Variants in KCNB2 observed in about 807,000 individuals in gnomAD.
The protein encoded by KCNB2 is delayed rectifier potassium channel protein.
KCNB2 carries 15 observed loss-of-function variants against 61.5 expected under a neutral mutation model. That is an observed-to-expected ratio of 0.24 (90% CI 0.16 to 0.38). KCNB2 has a LOEUF of 0.38. Ranked by LOEUF, KCNB2 falls within the 10% of genes least tolerant of loss-of-function variation. The pLI, the probability that KCNB2 is intolerant of heterozygous loss-of-function variation, is 1.00. For missense variants in KCNB2, 828 were observed against 1,125.2 expected (o/e 0.74, Z 3.78); for synonymous variants, 457 against 446.0 (o/e 1.02, Z -0.31).
intron 2 of KCNB2, among the ~76,000 whole-genome samples, chr8:72,739,747 T>G (rs1324145185): frequency 6.6e-6 from 1 of 152,118 alleles, no homozygotes; most frequent in Non-Finnish European, 1.5e-5. Flanking sequence ...CTTTGTCCTG[T>G]AGATCAAAGG....
intron 2 of KCNB2, among the ~76,000 whole-genome samples, chr8:72,716,040 G>A (rs529487794): frequency 3.3e-5 from 5 of 152,278 alleles, no homozygotes; most frequent in East Asian, 3.9e-4. Context: ...ACATCTCTAC[G>A]CAAATAAACT....
At chr8:72,714,102 T>C (rs950856323) in intron 2 of KCNB2, among the ~76,000 whole-genome samples, 1 of 151,852 alleles carries the variant, frequency 6.6e-6, no homozygotes, top group South Asian at 2.1e-4. Context: ...TGAAGAAAAG[T>C]TTAGAGAAAA....
intron 2 of KCNB2, among the ~76,000 whole-genome samples, chr8:72,914,886 T>A (rs1354619187): frequency 6.6e-6 from 1 of 151,662 alleles, no homozygotes; most frequent in Non-Finnish European, 1.5e-5. Flanking sequence ...GCAGGAAAGA[T>A]AAGATAAATG....
Position 72,847,715 on chromosome 8 carries a change from C to CA in KCNB2, c.580-88214dup, listed in dbSNP as rs562387320. 6.6e-5 allele frequency among the ~76,000 whole-genome samples: 10 copies of CA among 151,220 alleles called. 1 individual carries two copies. In the South Asian group the frequency reaches 1.9e-3, roughly 28 times the overall value. The stretch of plus-strand genomic sequence containing the variant: ...CTCTATGCTCAAACTGAAGAAAATG[C>CA]AAAAAATAAAAAAAACAGTGATTGT... On this transcript the variant is annotated intron_variant, in intron 2 of 2. Coordinates refer to ENST00000523207, the MANE Select transcript of KCNB2 (RefSeq NM_004770.3).
chr8:72,858,631 C>A (rs771882064), intron 2 of KCNB2, among the ~76,000 whole-genome samples: 5 of 152,212 alleles, frequency 3.3e-5, no homozygotes, highest in Non-Finnish European at 5.9e-5. Context: ...GTAGTCATGA[C>A]CCTCTCATAC....
chr8:72,547,592 A>T (rs1487468236), intron 1 of KCNB2, among the ~76,000 whole-genome samples: 1 of 152,204 alleles, frequency 6.6e-6, no homozygotes, highest in Non-Finnish European at 1.5e-5. Flanking sequence ...AACTGCACAT[A>T]TGGTGGAGAG....
rs867761115 is a variant in KCNB2, at chr8:72,937,296, G to A, written c.1941G>A (p.Arg647=). ...GGACAGAAGAGCACCAAAGAGCTAGGGGCCCCCCGTTTCTAACTCTATCCA... is the reference window on the plus strand; with the variant it reads ...GGACAGAAGAGCACCAAAGAGCTAGAGGCCCCCCGTTTCTAACTCTATCCA... The part of the protein sequence containing the change: ...LPGTEEHQRA[R]GPPFLTLSRE... Residue 647 remains arginine (R), a synonymous_variant, in exon 3 of 3, where the codon AGG becomes AGA. Transcript: ENST00000523207. The A allele has an allele frequency of 8.7e-6, 14 of 1,613,770 alleles. No individual in the cohort carries two copies. The highest frequency in any genetic ancestry group is 3.3e-5 in the Admixed American group (2 of 59,988).
intron 2 of KCNB2, among the ~76,000 whole-genome samples, chr8:72,583,502 C>T (rs1260323091): frequency 6.6e-6 from 1 of 151,580 alleles, no homozygotes; most frequent in African/African-American, 2.4e-5. Context: ...ACATTATTTT[C>T]AGTTCTGCTG....
At chr8:72,833,331 G>A (rs753265542) in intron 2 of KCNB2, among the ~76,000 whole-genome samples, 1 of 152,134 alleles carries the variant, frequency 6.6e-6, no homozygotes, top group Non-Finnish European at 1.5e-5. Flanking sequence ...GGAAAGGTAA[G>A]ATGGAGAAGA....
chr8:72,856,704 T>C (rs1810213709), intron 2 of KCNB2, among the ~76,000 whole-genome samples: 2 of 152,220 alleles, frequency 1.3e-5, no homozygotes, highest in Admixed American at 1.3e-4. Context: ...AACCTCAGAT[T>C]CATTTGAGGT....
At chr8:72,679,750 C>T (rs1271871388) in intron 2 of KCNB2, among the ~76,000 whole-genome samples, 2 of 152,184 alleles carry the variant, frequency 1.3e-5, no homozygotes, top group Non-Finnish European at 2.9e-5. Flanking sequence ...GACCTGGCAT[C>T]AGTCTAAATG....
intron 2 of KCNB2, among the ~76,000 whole-genome samples, chr8:72,825,939 CT>C (rs1366243886): frequency 2.0e-5 from 3 of 152,044 alleles, no homozygotes; most frequent in Non-Finnish European, 4.4e-5. Flanking sequence ...GTTGCCTGTG[CT>C]TTTGGTGTCA....
chr8:72,860,223 C>A lies in KCNB2; in HGVS notation c.580-75712C>A, dbSNP rs57495751. On this transcript the variant is annotated intron_variant, in intron 2 of 2. Transcript: ENST00000523207. Reference sequence around the variant, plus strand: ...GAGGTAGAATTGTTAGGTCATATGGCACCTTCTGTTTCACCTTTTGAGGAA... The same window carrying A: ...GAGGTAGAATTGTTAGGTCATATGGAACCTTCTGTTTCACCTTTTGAGGAA... Among the ~76,000 whole-genome samples, 313 of 152,256 alleles carry A rather than the reference C, an allele frequency of 2.1e-3. 3 individuals carry two copies. Among genetic ancestry groups the A allele is most frequent in the African/African-American group, 7.3e-3 (304 of 41,544 alleles).
intron 2 of KCNB2, among the ~76,000 whole-genome samples, chr8:72,798,496 TTCTGCC>T (rs1160884028): frequency 6.6e-6 from 1 of 152,160 alleles, no homozygotes; most frequent in African/African-American, 2.4e-5. Flanking sequence ...TACTTCTACC[TTCTGCC>T]CTTCGACTCC....
chr8:72,684,619 G>A (rs985119869), intron 2 of KCNB2, among the ~76,000 whole-genome samples: 2 of 152,092 alleles, frequency 1.3e-5, no homozygotes, highest in African/African-American at 4.8e-5. Flanking sequence ...ATTCAATTAT[G>A]TCCTTTTCTG....
chr8:72,621,314 C>T lies in KCNB2; in HGVS notation c.579+53001C>T, dbSNP rs527276871. Among the ~76,000 whole-genome samples the T allele has an allele frequency of 3.3e-5, 5 of 152,194 alleles. No individual in the cohort carries two copies. The South Asian group carries it at 6.2e-4, about 19-fold the overall frequency. On this transcript the variant is annotated intron_variant, in intron 2 of 2. Transcript: ENST00000523207. ...TGTGGAGGACGTGGTAGTCAAGATCCGCAGAAGGATCAAATCCCCCAGTCC... is the reference window on the plus strand; with the variant it reads ...TGTGGAGGACGTGGTAGTCAAGATCTGCAGAAGGATCAAATCCCCCAGTCC...
At chr8:72,827,496 G>A (rs1011008440) in intron 2 of KCNB2, among the ~76,000 whole-genome samples, 1 of 151,632 alleles carries the variant, frequency 6.6e-6, no homozygotes, top group Non-Finnish European at 1.5e-5. Flanking sequence ...TTGCTACATC[G>A]GGACCCAAGA....
chr8:72,583,470 A>C (rs1008310566), intron 2 of KCNB2, among the ~76,000 whole-genome samples: 13 of 152,192 alleles, frequency 8.5e-5, no homozygotes, highest in Non-Finnish European at 1.3e-4. Context: ...TGTGGCAAAA[A>C]AAAAACAAAA....
At position 72,872,155 on chromosome 8, in the gene KCNB2, G is replaced by A. The variant is rs528098415; in HGVS notation, c.580-63780G>A. Among the ~76,000 whole-genome samples the A allele has an allele frequency of 2.6e-3, 400 of 152,278 alleles. 4 individuals carry two copies. The highest frequency in any genetic ancestry group is 9.0e-3 in the African/African-American group (376 of 41,572). On this transcript the variant is annotated intron_variant, in intron 2 of 2. Transcript: ENST00000523207. ...TCCTTGAAGTAGTGACCATTTGCTT[G>A]TTAAAATAGAGAGTGACTTTGGAGA...
Sources: allele counts gnomAD v4.1 joint callset (sites outside exome capture counted in the v4.1 genomes callset), GRCh38; gene constraint gnomAD v4.1.1; transcripts MANE v1.5; gene names NCBI Gene and HGNC (gene_info 2026-07-23, HGNC 2026-07-21).